B4GALNT3: variants seen among roughly 807,000 people sequenced by gnomAD.
The protein encoded by B4GALNT3 is beta-1,4-N-acetylgalactosaminyltransferase 3.
B4GALNT3 carries 86 observed loss-of-function variants against 120.2 expected under a neutral mutation model. The observed-to-expected ratio is 0.72, with a 90% confidence interval of 0.60 to 0.86. The LOEUF is 0.86. B4GALNT3 is among the 40% of genes least tolerant of loss of function. The probability of loss-of-function intolerance (pLI) is 0.00; values close to 1 mark genes in which losing one functional copy is unlikely to be tolerated. For missense variants in B4GALNT3, 1,167 were observed against 1,298.9 expected (o/e 0.90, Z 1.56); for synonymous variants, 518 against 510.4 (o/e 1.01, Z -0.20).
chr12:482,288 G>A (rs1253079689), intron 1 of B4GALNT3, among the ~76,000 whole-genome samples: 3 of 152,170 alleles, frequency 2.0e-5, no homozygotes, highest in Non-Finnish European at 2.9e-5. Flanking sequence ...GATATCGTCC[G>A]TCAGTGGCTT....
At chr12:545,611 CT>C in intron 6 of B4GALNT3, 142 bp downstream of exon 6, 3 of 803,352 alleles carry the variant, frequency 3.7e-6, no homozygotes, top group South Asian at 1.8e-5. Context: ...TCCCTCACCC[CT>C]ACCCCTCTAC....
Position 552,059 on chromosome 12 carries a change from C to A in B4GALNT3, c.1108-4C>A. On this transcript the variant is annotated splice_polypyrimidine_tract_variant and splice_region_variant and intron_variant, in intron 11 of 19. Transcript: ENST00000266383. Reference sequence around the variant, plus strand: ...ACTCCTGCTGCTGATTTTTCCACTTCCAGGTTCATCTGTCTTTTGTTTACC... The same window carrying A: ...ACTCCTGCTGCTGATTTTTCCACTTACAGGTTCATCTGTCTTTTGTTTACC... 6.3e-7 allele frequency: 1 copy of A among 1,593,550 alleles called. No homozygotes were observed. The highest frequency in any genetic ancestry group is 1.7e-5 in the Admixed American group (1 of 59,984).
Position 460,536 on chromosome 12 carries a change from CT to C in B4GALNT3, c.161del (p.Leu54ArgfsTer35). 1 of 1,517,530 alleles carries C rather than the reference CT, an allele frequency of 6.6e-7. No individual in the cohort carries two copies. The allele number at this position is 1,517,530 out of a possible 1,614,324, so 94.0% of individuals were successfully genotyped here. ...VASAQVGGNP[L>X]NRRYGSWREL... The stretch of plus-strand genomic sequence containing the variant: ...GTCGGCCCAGGTCGGCGGGAACCCC[CT>C]GAACCGGAGTAAGTAGCACCCAGGG... On this transcript the variant is annotated frameshift_variant, in exon 1 of 20. Coordinates refer to ENST00000266383, the MANE Select transcript of B4GALNT3 (RefSeq NM_173593.4). LOFTEE classifies it high-confidence loss of function. This position sits in a 1 kb window ranked among gnomAD's most constrained non-coding sequence, Gnocchi z 8.0.
At chr12:487,961 A>G (rs1946306143) in intron 1 of B4GALNT3, among the ~76,000 whole-genome samples, 1 of 152,134 alleles carries the variant, frequency 6.6e-6, no homozygotes, top group Non-Finnish European at 1.5e-5. Flanking sequence ...CAAAACAAAC[A>G]AAAAACCCAA....
Position 520,872 on chromosome 12 carries a change from G to T in B4GALNT3, c.170-14294G>T, listed in dbSNP as rs567214078. 5.3e-5 allele frequency among the ~76,000 whole-genome samples: 8 copies of T among 152,324 alleles called. No homozygotes were observed. In the South Asian group the frequency reaches 1.7e-3, roughly 32 times the overall value. On this transcript the variant is annotated intron_variant, in intron 1 of 19. Transcript: ENST00000266383. ...TATCTCAACTTTCCAAGAAATACTT[G>T]CACATTGTCTGCCTGCATGGGAACT... is the stretch of plus-strand genomic sequence containing the variant.
At chr12:561,157 G>A (rs141031245) in intron 19 of B4GALNT3, among the ~76,000 whole-genome samples, 186 bp from the exon 20 acceptor site, 101 of 152,324 alleles carry the variant, frequency 6.6e-4, no homozygotes, top group South Asian at 3.5e-3. Flanking sequence ...GAAAGAAGGC[G>A]TGACATACCC....
intron 15 of B4GALNT3, 125 bp from the exon 16 acceptor site, chr12:557,483 C>T: frequency 2.2e-6 from 2 of 918,796 alleles, no homozygotes; most frequent in Non-Finnish European, 3.3e-6. Flanking sequence ...TGCAGAGTTG[C>T]ACTGTCCCCT....
intron 5 of B4GALNT3, 196 bp from the exon 6 acceptor site, chr12:545,173 A>T: frequency 6.9e-7 from 1 of 1,443,136 alleles, no homozygotes; most frequent in South Asian, 1.5e-5. Context: ...GCAGCCTGGA[A>T]CCAGCTCATC....
intron 1 of B4GALNT3, among the ~76,000 whole-genome samples, chr12:506,458 A>G (rs910511110): frequency 6.6e-6 from 1 of 152,080 alleles, no homozygotes; most frequent in Non-Finnish European, 1.5e-5. Context: ...TTCTACTTAA[A>G]AACATTTTAT....
At chr12:525,086 T>TTTTTTTTATTTATTTATTTATTTATTTA in intron 1 of B4GALNT3, among the ~76,000 whole-genome samples, 1 of 130,616 alleles carries the variant, frequency 7.7e-6, no homozygotes, top group Non-Finnish European at 1.7e-5. Flanking sequence ...AATAACACAA[T>TTTTTTTTATTTATTTATTTATTTATTTA]TTTATTTATT....
At chr12:505,613 A>G (rs1295364001) in intron 1 of B4GALNT3, among the ~76,000 whole-genome samples, 1 of 152,146 alleles carries the variant, frequency 6.6e-6, no homozygotes, top group Non-Finnish European at 1.5e-5. Context: ...GGCCTTTCTC[A>G]TGCTTTCCTG....
chr12:544,539 CT>C, intron 4 of B4GALNT3, 105 bp downstream of exon 4: 1 of 1,071,480 alleles, frequency 9.3e-7, no homozygotes. Flanking sequence ...ATATTTTCTC[CT>C]TTATCTCTTG....
intron 1 of B4GALNT3, among the ~76,000 whole-genome samples, chr12:534,322 C>T (rs990159292): frequency 1.3e-5 from 2 of 152,208 alleles, no homozygotes; most frequent in Non-Finnish European, 2.9e-5. Flanking sequence ...TTCCACTTAT[C>T]CAAAGCCCAG....
chr12:510,119 G>A (rs1946531500), intron 1 of B4GALNT3, among the ~76,000 whole-genome samples: 1 of 152,162 alleles, frequency 6.6e-6, no homozygotes, highest in Admixed American at 6.5e-5. Flanking sequence ...GATGAGCGAT[G>A]GACCCAGGTT....
At chr12:540,117 C>T (rs943983514) in intron 3 of B4GALNT3, among the ~76,000 whole-genome samples, 3 of 152,106 alleles carry the variant, frequency 2.0e-5, no homozygotes, top group African/African-American at 4.8e-5. Flanking sequence ...GAGGGTATAG[C>T]GGAAGCAGAG....
chr12:538,513 T>TC (rs1946883329), intron 3 of B4GALNT3, among the ~76,000 whole-genome samples: 1 of 146,702 alleles, frequency 6.8e-6, no homozygotes, highest in African/African-American at 2.6e-5. Flanking sequence ...GAGCCGAGAT[T>TC]GTGCCACTGC....
chr12:521,863 C>A, intron 1 of B4GALNT3, among the ~76,000 whole-genome samples: 1 of 152,172 alleles, frequency 6.6e-6, no homozygotes, highest in Admixed American at 6.5e-5. Flanking sequence ...AACTTAGCCT[C>A]TCTCTGAAGC....
intron 1 of B4GALNT3, among the ~76,000 whole-genome samples, chr12:488,670 A>T (rs1946312953): frequency 6.6e-6 from 1 of 152,152 alleles, no homozygotes; most frequent in Non-Finnish European, 1.5e-5. Context: ...TAAATTTTTA[A>T]AATTTTTTTA....
At chr12:543,808 C>CCT (rs1946952658) in intron 3 of B4GALNT3, among the ~76,000 whole-genome samples, 2 of 95,174 alleles carry the variant, frequency 2.1e-5, no homozygotes, top group Non-Finnish European at 4.4e-5. Context: ...CTCATCTTCC[C>CCT]GGAGCTGAGG....
Sources: gnomAD v4.1 joint callset for allele counts (sites outside exome capture counted in the v4.1 genomes callset) on GRCh38, gnomAD v4.1.1 for gene constraint, Gnocchi (gnomAD v3.1) non-coding constraint, MANE v1.5 for transcripts, NCBI Gene and HGNC (gene_info 2026-07-23, HGNC 2026-07-21) for gene names.